Variants in EHMT1 observed in about 807,000 individuals in gnomAD.
EHMT1 encodes euchromatic histone lysine methyltransferase 1.
A neutral mutation model predicts 147.2 loss-of-function variants in EHMT1; 15 were observed. That is an observed-to-expected ratio of 0.10 (90% CI 0.07 to 0.16). The LOEUF (loss-of-function observed/expected upper bound fraction) is 0.16, where lower values mean the gene tolerates loss of function less well. EHMT1 is among the 10% of genes least tolerant of loss of function. EHMT1 has a pLI of 1.00. For synonymous variants in EHMT1, 795 were observed against 709.6 expected (o/e 1.12, Z -1.91); for missense variants, 1,587 against 1,772.4 (o/e 0.90, Z 1.88).
intron 12 of EHMT1, 63 bp from the exon 13 acceptor site, chr9:137,777,819 C>CA: frequency 6.2e-7 from 1 of 1,602,526 alleles, no homozygotes; most frequent in South Asian, 1.1e-5. Context: ...CTCGGGCAGT[C>CA]AGAGTCGGAA....
At chr9:137,766,788 G>C (rs902526129) in intron 10 of EHMT1, among the ~76,000 whole-genome samples, 15 of 152,086 alleles carry the variant, frequency 9.9e-5, no homozygotes, top group African/African-American at 3.4e-4. Context: ...CTTGTAGACA[G>C]CATGTAGTTG....
rs1454767232 is a variant in EHMT1 at position 137,766,547 on chromosome 9, G to A, written c.1647+3727G>A. On this transcript the variant is annotated intron_variant, in intron 10 of 26. Transcript: ENST00000460843. ...GGAGAATTGCTTGAGCCTGGGAGGC[G>A]ACGGTTGCAGTGAGCATCAGTCGTG... Among the ~76,000 whole-genome samples, 3 of 152,186 alleles carry A rather than the reference G, an allele frequency of 2.0e-5. No homozygotes were observed. The East Asian group carries it at 5.8e-4, about 29-fold the overall frequency.
chr9:137,733,092 G>A (rs1947255702), intron 4 of EHMT1, among the ~76,000 whole-genome samples: 4 of 152,194 alleles, frequency 2.6e-5, no homozygotes, highest in Admixed American at 2.6e-4. Flanking sequence ...ATGGAGGGTG[G>A]CTGTGATTCT....
intron 1 of EHMT1, among the ~76,000 whole-genome samples, chr9:137,708,325 T>C (rs116607353): frequency 3.3e-3 from 501 of 152,366 alleles, no homozygotes; most frequent in African/African-American, 0.011. Context: ...TATTTTGATA[T>C]CTTTTCAGAT....
chr9:137,831,316 C>T (rs961325172), intron 25 of EHMT1, among the ~76,000 whole-genome samples: 2 of 152,014 alleles, frequency 1.3e-5, no homozygotes, highest in Admixed American at 6.5e-5. Flanking sequence ...AGATAGTGCA[C>T]GAGCCCTTAC....
At chr9:137,801,258 G>C (rs1021607788) in intron 18 of EHMT1, among the ~76,000 whole-genome samples, 1 of 152,196 alleles carries the variant, frequency 6.6e-6, no homozygotes, top group Non-Finnish European at 1.5e-5. Flanking sequence ...ACGGGGCTGT[G>C]CCTGGGCCTG....
intron 1 of EHMT1, among the ~76,000 whole-genome samples, chr9:137,619,397 G>A (rs1402875154): frequency 6.6e-6 from 1 of 151,974 alleles, no homozygotes; most frequent in Non-Finnish European, 1.5e-5. Context: ...GATCTGCGGG[G>A]AGGGCCTCGG....
Position 137,782,172 on chromosome 9 carries a change from G to A in EHMT1, c.2276-119G>A, listed in dbSNP as rs1050347796. On this transcript the variant is annotated intron_variant, in intron 14 of 26. Transcript: ENST00000460843. The surrounding 1 kb of genome is among the most constrained non-coding windows in gnomAD (Gnocchi z 5.7). ...CTGTGGGCGGGTTCCGGCGTGGCTC[G>A]AGGTGGCTGTTTATGTGGAGGATGG... The A allele has an allele frequency of 8.6e-6, 8 of 934,764 alleles. No homozygotes were observed. The highest frequency in any genetic ancestry group is 6.0e-5 in the Admixed American group (3 of 49,964). 57.9% of individuals were successfully genotyped at this position (934,764 alleles called of 1,614,324 possible). A position where few individuals can be genotyped will look rare whatever the true frequency, so the allele number is the denominator to read the frequency against.
chr9:137,725,933 C>T (rs900156793), intron 3 of EHMT1, among the ~76,000 whole-genome samples: 22 of 152,152 alleles, frequency 1.4e-4, no homozygotes, highest in Admixed American at 3.9e-4. Flanking sequence ...CTCCCTGCCT[C>T]ACCTGTAACC....
At chr9:137,623,717 G>A (rs901172862) in intron 1 of EHMT1, among the ~76,000 whole-genome samples, 5 of 152,176 alleles carry the variant, frequency 3.3e-5, no homozygotes, top group Non-Finnish European at 5.9e-5. Context: ...CTCCGCACCC[G>A]GCCGCAAATG....
intron 1 of EHMT1, among the ~76,000 whole-genome samples, chr9:137,660,976 C>G (rs1939015101): frequency 6.6e-6 from 1 of 152,172 alleles, no homozygotes; most frequent in South Asian, 2.1e-4. Flanking sequence ...AGTTTTATTT[C>G]TTCCTTTCTA....
chr9:137,729,529 G>A (rs1354125040), intron 4 of EHMT1, among the ~76,000 whole-genome samples: 1 of 151,894 alleles, frequency 6.6e-6, no homozygotes, highest in Non-Finnish European at 1.5e-5. Context: ...GGAGGTTGCT[G>A]TGAGCCAACA....
At chr9:137,631,428 A>G (rs1292070792) in intron 1 of EHMT1, among the ~76,000 whole-genome samples, 2 of 152,074 alleles carry the variant, frequency 1.3e-5, no homozygotes, top group African/African-American at 4.8e-5. Context: ...AATAAAATTG[A>G]AAAAGTACCT....
At chr9:137,744,555 A>G (rs1948391319) in intron 6 of EHMT1, among the ~76,000 whole-genome samples, 1 of 152,202 alleles carries the variant, frequency 6.6e-6, no homozygotes, top group African/African-American at 2.4e-5. Context: ...CCTTTGCTCA[A>G]GTGATCCTCC....
intron 1 of EHMT1, among the ~76,000 whole-genome samples, chr9:137,628,893 C>T (rs1234860740): frequency 6.6e-6 from 1 of 152,116 alleles, no homozygotes. Context: ...GGTTTGACCA[C>T]ATTTTATTGA....
At chr9:137,636,324 G>C (rs1307387770) in intron 1 of EHMT1, among the ~76,000 whole-genome samples, 2 of 152,090 alleles carry the variant, frequency 1.3e-5, no homozygotes, top group African/African-American at 2.4e-5. Context: ...TGGATTCCTT[G>C]GGATTTTCTA....
chr9:137,702,979 C>T (rs1943962939), intron 1 of EHMT1, among the ~76,000 whole-genome samples: 1 of 152,226 alleles, frequency 6.6e-6, no homozygotes, highest in African/African-American at 2.4e-5. Flanking sequence ...GGTGGAGGCT[C>T]CCAAGCCTTA....
At chr9:137,669,324 C>T (rs1940138633) in intron 1 of EHMT1, among the ~76,000 whole-genome samples, 5 of 142,378 alleles carry the variant, frequency 3.5e-5, no homozygotes, top group Admixed American at 7.2e-5. Flanking sequence ...GAAAGACGCC[C>T]CCACAGCACG....
At chr9:137,656,490 A>G (rs1233777850) in intron 1 of EHMT1, among the ~76,000 whole-genome samples, 7 of 152,218 alleles carry the variant, frequency 4.6e-5, no homozygotes, top group African/African-American at 1.7e-4. Flanking sequence ...CCTGTTAACT[A>G]TTGTCTTCCT....
Sources: allele counts gnomAD v4.1 joint callset (sites outside exome capture counted in the v4.1 genomes callset), GRCh38; gene constraint gnomAD v4.1.1; non-coding constraint Gnocchi (gnomAD v3.1); transcripts MANE v1.5; gene names NCBI Gene and HGNC (gene_info 2026-07-23, HGNC 2026-07-21).